Variants in C7orf78 observed in about 807,000 individuals in gnomAD.
The protein encoded by C7orf78 is chromosome 7 open reading frame 78.
the C7orf78 span, among the ~76,000 whole-genome samples, chr7:12,501,511 A>C: frequency 6.6e-6 from 1 of 150,998 alleles, no homozygotes; most frequent in Non-Finnish European, 1.5e-5. Flanking sequence ...ATACCTAGGA[A>C]TCCAACTTAC....
At chr7:12,485,083 C>T in the C7orf78 span, among the ~76,000 whole-genome samples, 1 of 151,064 alleles carries the variant, frequency 6.6e-6, no homozygotes, top group South Asian at 2.1e-4. Context: ...TCACTAATTG[C>T]CTGAAATCCA....
chr7:12,488,149 CT>C, the C7orf78 span, among the ~76,000 whole-genome samples: 326 of 152,158 alleles, frequency 2.1e-3, 2 homozygotes, highest in African/African-American at 7.7e-3. Flanking sequence ...TTCAGTGCCC[CT>C]GATAGATATT....
the C7orf78 span, among the ~76,000 whole-genome samples, chr7:12,520,363 C>T: frequency 1.3e-5 from 2 of 152,200 alleles, no homozygotes; most frequent in Non-Finnish European, 2.9e-5. Flanking sequence ...TTTATTGATG[C>T]GGATATTTAT....
the C7orf78 span, among the ~76,000 whole-genome samples, chr7:12,514,365 G>T: frequency 0.1 from 15,737 of 151,638 alleles, 1,117 homozygotes; most frequent in Non-Finnish European, 0.15. Flanking sequence ...TATAAGTACA[G>T]CTACTCTTCT....
At chr7:12,533,765 C>G in the C7orf78 span, among the ~76,000 whole-genome samples, 1 of 152,152 alleles carries the variant, frequency 6.6e-6, no homozygotes, top group African/African-American at 2.4e-5. Flanking sequence ...ATCCACCTGT[C>G]TCGGCCTCCC....
the C7orf78 span, among the ~76,000 whole-genome samples, chr7:12,486,147 C>T: frequency 6.6e-6 from 1 of 152,046 alleles, no homozygotes; most frequent in Non-Finnish European, 1.5e-5. Flanking sequence ...AGTTCAGCCA[C>T]TATTGACTGA....
At chr7:12,511,790 C>T in the C7orf78 span, among the ~76,000 whole-genome samples, 175 of 151,896 alleles carry the variant, frequency 1.2e-3, 1 homozygote, top group African/African-American at 4.1e-3. Flanking sequence ...CTTGCTCTGT[C>T]GCCCAGGCTG....
chr7:12,491,517 C>G, the C7orf78 span: 1 of 145,078 alleles, frequency 6.9e-6, no homozygotes, highest in African/African-American at 2.7e-5. Context: ...GCGTTCTGGC[C>G]TCTGTGAGCA....
the C7orf78 span, among the ~76,000 whole-genome samples, chr7:12,503,819 T>A: frequency 6.6e-6 from 1 of 152,254 alleles, no homozygotes; most frequent in African/African-American, 2.4e-5. Flanking sequence ...ACATAAATTA[T>A]GTAGCAGAGG....
At chr7:12,492,775 A>C in the C7orf78 span, among the ~76,000 whole-genome samples, 3,893 of 152,316 alleles carry the variant, frequency 0.026, 372 homozygotes, top group Admixed American at 0.18. Context: ...AAAGTAAAAC[A>C]GGTCTCTGTT....
the C7orf78 span, among the ~76,000 whole-genome samples, chr7:12,513,616 A>G: frequency 2.0e-5 from 3 of 152,176 alleles, no homozygotes; most frequent in African/African-American, 7.2e-5. Flanking sequence ...AAAATACTTA[A>G]TATAACTTCA....
the C7orf78 span, among the ~76,000 whole-genome samples, chr7:12,532,141 T>C: frequency 1.3e-5 from 2 of 152,186 alleles, no homozygotes; most frequent in Non-Finnish European, 2.9e-5. Context: ...CAGGTAGTTA[T>C]TTCCTACAGG....
the C7orf78 span, among the ~76,000 whole-genome samples, chr7:12,518,811 T>C: frequency 3.3e-5 from 5 of 152,074 alleles, no homozygotes; most frequent in African/African-American, 1.2e-4. Flanking sequence ...TTAGGGCTTG[T>C]ACTAGAAAGC....
chr7:12,525,568 T>A, the C7orf78 span, among the ~76,000 whole-genome samples: 1 of 152,132 alleles, frequency 6.6e-6, no homozygotes, highest in Non-Finnish European at 1.5e-5. Flanking sequence ...CTAATTCTGA[T>A]CACTTCACAA....
At chr7:12,487,560 G>A in the C7orf78 span, among the ~76,000 whole-genome samples, 1 of 151,994 alleles carries the variant, frequency 6.6e-6, no homozygotes, top group South Asian at 2.1e-4. Context: ...CAGAATGTAA[G>A]TGAAATTTTG....
the C7orf78 span, among the ~76,000 whole-genome samples, chr7:12,535,499 G>A: frequency 1.3e-5 from 2 of 152,176 alleles, no homozygotes; most frequent in Non-Finnish European, 2.9e-5. Flanking sequence ...AATTCAGGAT[G>A]AGATTTGGGT....
chr7:12,538,802 C>T, the C7orf78 span, among the ~76,000 whole-genome samples: 7 of 152,146 alleles, frequency 4.6e-5, no homozygotes, highest in Admixed American at 6.5e-5. Context: ...CTTTCCCTCA[C>T]GTTGCGAGCC....
At chr7:12,495,964 CGCCCAA>C in the C7orf78 span, among the ~76,000 whole-genome samples, 1 of 151,238 alleles carries the variant, frequency 6.6e-6, no homozygotes, top group Non-Finnish European at 1.5e-5. Flanking sequence ...CTCACTCTTT[CGCCCAA>C]GCCAGACTGC....
At chr7:12,520,033 T>C in the C7orf78 span, among the ~76,000 whole-genome samples, 1 of 152,196 alleles carries the variant, frequency 6.6e-6, no homozygotes, top group African/African-American at 2.4e-5. Context: ...TTAATGTGGG[T>C]ACAGGAGCTC....
Sources: allele counts gnomAD v4.1 joint callset (sites outside exome capture counted in the v4.1 genomes callset), GRCh38; gene constraint gnomAD v4.1.1; transcripts MANE v1.5; gene names NCBI Gene and HGNC (gene_info 2026-07-23, HGNC 2026-07-21).